SV2B: variants seen among roughly 807,000 people sequenced by gnomAD.
The protein encoded by SV2B is synaptic vesicle glycoprotein 2B.
A neutral mutation model predicts 73.9 loss-of-function variants in SV2B; 41 were observed. The observed-to-expected ratio is 0.56, with a 90% CI of 0.43 to 0.72. The LOEUF (loss-of-function observed/expected upper bound fraction) is 0.72. Among genes scored for constraint, SV2B ranks in the 30% least tolerant of loss-of-function variants. The pLI is 0.00. For synonymous variants in SV2B, 314 were observed against 314.2 expected (o/e 1.00, Z 0.01); for missense variants, 764 against 857.8 (o/e 0.89, Z 1.37).
At position 91,288,095 on chromosome 15, in the gene SV2B, C is replaced by T. The variant is rs929557781; in HGVS notation, c.1709-1426C>T. 2.6e-5 allele frequency among the ~76,000 whole-genome samples: 4 copies of T among 152,018 alleles called. No individual in the cohort carries two copies. Among genetic ancestry groups the T allele is most frequent in the Non-Finnish European group, 5.9e-5 (4 of 68,018 alleles). ...AGAGGGTATGTACAGAGCACATGTA[C>T]AGAGGATAGCGCAGGGCTGAGAAGG... On this transcript the variant is annotated intron_variant, in intron 11 of 12. Coordinates refer to ENST00000394232, the MANE Select transcript of SV2B (RefSeq NM_001323032.3). The surrounding 1 kb of genome is among the most constrained non-coding windows in gnomAD (Gnocchi z 5.8).
chr15:91,229,229 C>G lies in SV2B; in HGVS notation c.451+2515C>G, dbSNP rs1248863554. Among the ~76,000 whole-genome samples, 1 of 151,952 alleles carries G rather than the reference C, an allele frequency of 6.6e-6. No homozygotes were observed. Among genetic ancestry groups the G allele is most frequent in the African/African-American group, 2.4e-5 (1 of 41,362 alleles). On this transcript the variant is annotated intron_variant, in intron 2 of 12. Transcript: ENST00000394232. This position sits in a 1 kb window ranked among gnomAD's most constrained non-coding sequence, Gnocchi z 4.3. ...TGATGTGGGCACTGGAGTCCAACCT[C>G]TAGGGTTTGGCGACTGGGTACGTCC...
In SV2B at chr15:91,221,693, GCACA is replaced by G. The variant is rs3082137; in HGVS notation, c.-391-4150_-391-4147del. ...CTGTGGACTATTACCAAGCATGTGC[GCACA>G]CACACACACACACACACACACACAC... is the stretch of plus-strand genomic sequence containing the variant. On this transcript the variant is annotated intron_variant, in intron 1 of 12. Transcript: ENST00000394232. Among the ~76,000 whole-genome samples the G allele has an allele frequency of 3.1e-3, 428 of 140,144 alleles. 2 individuals are homozygous for G. Among genetic ancestry groups the G allele is most frequent in the South Asian group, 0.022 (96 of 4,314 alleles). 91.9% of individuals were successfully genotyped at this position (140,144 alleles called of 152,430 possible).
chr15:91,285,416 A>T (rs1450250343), intron 11 of SV2B, among the ~76,000 whole-genome samples: 1 of 152,220 alleles, frequency 6.6e-6, no homozygotes, highest in Admixed American at 6.5e-5. Flanking sequence ...CAGTGCCTGC[A>T]GTAGAGTTGA....
rs1175496429 is a variant in SV2B at position 91,124,662 on chromosome 15, T to G, written c.-392+24299T>G. 6.7e-6 allele frequency among the ~76,000 whole-genome samples: 1 copy of G among 149,598 alleles called. No homozygotes were observed. The highest frequency in any genetic ancestry group is 1.5e-5 in the Non-Finnish European group (1 of 67,332). On this transcript the variant is annotated intron_variant, in intron 1 of 12. Transcript: ENST00000394232. This position sits in a 1 kb window ranked among gnomAD's most constrained non-coding sequence, Gnocchi z 4.6. ...GAAATTTCTTTCTTTCAACAAAAAT[T>G]TTTTTTTTTTTGAGACAGTCTCACT...
chr15:91,259,214 C>G (rs2047818457), intron 5 of SV2B, among the ~76,000 whole-genome samples: 1 of 152,202 alleles, frequency 6.6e-6, no homozygotes, highest in Admixed American at 6.5e-5. Flanking sequence ...CTAAGCACTT[C>G]AGGTCTTTTA....
rs931075666 is a variant in SV2B, at chr15:91,224,672, C to T, written c.-391-1201C>T. On this transcript the variant is annotated intron_variant, in intron 1 of 12. Coordinates refer to ENST00000394232, the MANE Select transcript of SV2B (RefSeq NM_001323032.3). This position sits in a 1 kb window ranked among gnomAD's most constrained non-coding sequence, Gnocchi z 4.9. The stretch of plus-strand genomic sequence containing the variant: ...CTGGTCCTAATGCTGTGACCTTGAT[C>T]GCGTTACTAACCCACTCGGAGACAG... 1.2e-4 allele frequency among the ~76,000 whole-genome samples: 19 copies of T among 152,292 alleles called. No individual in the cohort carries two copies. Among genetic ancestry groups the T allele is most frequent in the Non-Finnish European group, 2.5e-4 (17 of 68,026 alleles).
intron 1 of SV2B, among the ~76,000 whole-genome samples, chr15:91,186,916 G>A (rs1266661858): frequency 1.3e-5 from 2 of 152,114 alleles, no homozygotes; most frequent in African/African-American, 2.4e-5. Flanking sequence ...TTTTTCTTAA[G>A]CATTTTATTT....
rs138630267 is a variant in SV2B, at chr15:91,148,494, C to T, written c.-392+48131C>T. ...ATCTTAGTCTGGGTTCCCCCAGAAGCAGATCCTGAAACAGGGCTTCAAAAG... is the reference window on the plus strand; with the variant it reads ...ATCTTAGTCTGGGTTCCCCCAGAAGTAGATCCTGAAACAGGGCTTCAAAAG... On this transcript the variant is annotated intron_variant, in intron 1 of 12. Transcript: ENST00000394232. 5.3e-3 allele frequency among the ~76,000 whole-genome samples: 803 copies of T among 152,164 alleles called. 5 individuals are homozygous for T. The highest frequency in any genetic ancestry group is 0.018 in the African/African-American group (759 of 41,494).
At position 91,239,341 on chromosome 15, in the gene SV2B, T is replaced by C. The variant is rs1404900254; in HGVS notation, c.452-12478T>C. Among the ~76,000 whole-genome samples the C allele has an allele frequency of 6.6e-6, 1 of 151,812 alleles. No individual in the cohort carries two copies. The highest frequency in any genetic ancestry group is 1.5e-5 in the Non-Finnish European group (1 of 67,974). ...CTTGCCTTGTCCTCTCTGCCTCACC[T>C]CTCGGTGGGTCCTAGAAAAGGAAGT... is the stretch of plus-strand genomic sequence containing the variant. On this transcript the variant is annotated intron_variant, in intron 2 of 12. Coordinates refer to ENST00000394232, the MANE Select transcript of SV2B (RefSeq NM_001323032.3). This position sits in a 1 kb window ranked among gnomAD's most constrained non-coding sequence, Gnocchi z 5.1.
chr15:91,218,175 T>C lies in SV2B; in HGVS notation c.-391-7698T>C, dbSNP rs554119863. 3.3e-5 allele frequency among the ~76,000 whole-genome samples: 5 copies of C among 152,316 alleles called. No homozygotes were observed. In the South Asian group the frequency reaches 8.3e-4, roughly 25 times the overall value. On this transcript the variant is annotated intron_variant, in intron 1 of 12. Coordinates refer to ENST00000394232, the MANE Select transcript of SV2B (RefSeq NM_001323032.3). ...AAAAAAACAGGAGAACTGTTTATTG[T>C]TCTGGACAGTTGTGCAGCAATATGA...
At position 91,184,568 on chromosome 15, in the gene SV2B, T is replaced by C. The variant is rs116839298; in HGVS notation, c.-391-41305T>C. The stretch of plus-strand genomic sequence containing the variant: ...GGAGCCTCTGCTGCCTTTCGACTCA[T>C]CACTGTGGTACCTTTCTATTCCCCA... On this transcript the variant is annotated intron_variant, in intron 1 of 12. Transcript: ENST00000394232. Among the ~76,000 whole-genome samples, 523 of 152,318 alleles carry C rather than the reference T, an allele frequency of 3.4e-3. 5 individuals carry two copies. The highest frequency in any genetic ancestry group is 0.012 in the African/African-American group (510 of 41,572).
intron 1 of SV2B, among the ~76,000 whole-genome samples, chr15:91,126,835 A>G (rs972864091): frequency 2.6e-5 from 4 of 152,266 alleles, no homozygotes; most frequent in Non-Finnish European, 5.9e-5. Flanking sequence ...TAAACTAGAA[A>G]TAGAAGGGAA....
At chr15:91,200,848 C>G (rs1596569833) in intron 1 of SV2B, among the ~76,000 whole-genome samples, 1 of 152,116 alleles carries the variant, frequency 6.6e-6, no homozygotes, top group Non-Finnish European at 1.5e-5. Context: ...GAGTTCAAGA[C>G]TGCAGTGAGC....
intron 1 of SV2B, among the ~76,000 whole-genome samples, chr15:91,198,455 A>ATGTGTGTGTGTGTGTGTG (rs5814467): frequency 5.1e-5 from 7 of 136,756 alleles, no homozygotes; most frequent in African/African-American, 1.1e-4. Context: ...AAGCACGTGT[A>ATGTGTGTGTGTGTGTGTG]TGTGTGTGTG....
chr15:91,267,891 C>T lies in SV2B; in HGVS notation c.1208+248C>T, dbSNP rs1300710290. ...GGGCTTGGCTCACTGCAGCCTGTGCCTCCTGGGTTCAAGCTATTCTCCTGC... is the reference window on the plus strand; with the variant it reads ...GGGCTTGGCTCACTGCAGCCTGTGCTTCCTGGGTTCAAGCTATTCTCCTGC... On this transcript the variant is annotated intron_variant, in intron 8 of 12. Coordinates refer to ENST00000394232, the MANE Select transcript of SV2B (RefSeq NM_001323032.3). This position sits in a 1 kb window ranked among gnomAD's most constrained non-coding sequence, Gnocchi z 4.3. Among the ~76,000 whole-genome samples, 1 of 151,948 alleles carries T rather than the reference C, an allele frequency of 6.6e-6. No individual in the cohort carries two copies. The highest frequency in any genetic ancestry group is 1.9e-4 in the East Asian group (1 of 5,180).
chr15:91,119,201 C>CT (rs1471480118), intron 1 of SV2B, among the ~76,000 whole-genome samples: 1 of 152,190 alleles, frequency 6.6e-6, no homozygotes, highest in Non-Finnish European at 1.5e-5. Flanking sequence ...TAGGAGCTAT[C>CT]TTTTTAAGGA....
In SV2B at chr15:91,258,025, G is replaced by C. The variant is rs777490112; in HGVS notation, c.785-396G>C. On this transcript the variant is annotated intron_variant, in intron 4 of 12. Coordinates refer to ENST00000394232, the MANE Select transcript of SV2B (RefSeq NM_001323032.3). The surrounding 1 kb of genome is among the most constrained non-coding windows in gnomAD (Gnocchi z 4.7). ...TGTTGCTTGTCAAGGCAGGCAAATA[G>C]AATATGTTTCCTTTAACAATCTGCC... 2.3e-4 allele frequency among the ~76,000 whole-genome samples: 35 copies of C among 152,174 alleles called. 1 individual carries two copies. The highest frequency in any genetic ancestry group is 8.4e-4 in the African/African-American group (35 of 41,442).
At chr15:91,206,202 T>C (rs1380392451) in intron 1 of SV2B, among the ~76,000 whole-genome samples, 1 of 118,830 alleles carries the variant, frequency 8.4e-6, no homozygotes, top group Non-Finnish European at 1.7e-5. Context: ...CATGCCTGGC[T>C]TTTTTTTTTT....
intron 1 of SV2B, among the ~76,000 whole-genome samples, chr15:91,222,074 C>T (rs577584963): frequency 2.0e-5 from 3 of 152,294 alleles, no homozygotes; most frequent in East Asian, 1.9e-4. Flanking sequence ...GCAGTGCCTT[C>T]CTCTCCATTG....
Sources: allele counts gnomAD v4.1 joint callset (sites outside exome capture counted in the v4.1 genomes callset), GRCh38; gene constraint gnomAD v4.1.1; non-coding constraint Gnocchi (gnomAD v3.1); transcripts MANE v1.5; gene names NCBI Gene and HGNC (gene_info 2026-07-23, HGNC 2026-07-21).